Variants in PROM1 observed in about 807,000 individuals in gnomAD.
PROM1 encodes the protein prominin 1.
PROM1 carries 105 observed loss-of-function variants against 116.9 expected under a neutral mutation model. The ratio of observed to expected loss-of-function variants is 0.90; its 90% CI spans 0.77 to 1.06. The LOEUF is 1.06. Among genes scored for constraint, PROM1 ranks in the 50% least tolerant of loss-of-function variants. The pLI is 0.00. For synonymous variants in PROM1, 393 were observed against 387.0 expected (o/e 1.02, Z -0.18); for missense variants, 1,122 against 1,045.2 (o/e 1.07, Z -1.01).
intron 7 of PROM1, among the ~76,000 whole-genome samples, chr4:16,023,796 T>C (rs962681555): frequency 6.6e-6 from 1 of 152,198 alleles, no homozygotes; most frequent in Non-Finnish European, 1.5e-5. Context: ...TTGGTAGCAC[T>C]GTCCCCACCC....
intron 2 of PROM1, among the ~76,000 whole-genome samples, chr4:16,067,784 G>T (rs1741870259): frequency 6.6e-6 from 1 of 151,912 alleles, no homozygotes; most frequent in African/African-American, 2.4e-5. Context: ...CCCTTTCCTG[G>T]GTACCGCTTC....
At chr4:16,002,223 CAG>C (rs1196422652) in intron 13 of PROM1, among the ~76,000 whole-genome samples, 3 of 151,970 alleles carry the variant, frequency 2.0e-5, no homozygotes, top group African/African-American at 4.8e-5. Flanking sequence ...AGAAAAAAAA[CAG>C]AAAGAGAAGG....
At chr4:16,028,531 T>C (rs1166994917) in intron 5 of PROM1, among the ~76,000 whole-genome samples, 1 of 152,244 alleles carries the variant, frequency 6.6e-6, no homozygotes, top group Non-Finnish European at 1.5e-5. Context: ...ATGGTCTCCA[T>C]GTGCAATCTC....
At chr4:16,014,725 A>G (rs1223955024) in intron 10 of PROM1, among the ~76,000 whole-genome samples, 2 of 152,238 alleles carry the variant, frequency 1.3e-5, no homozygotes, top group African/African-American at 4.8e-5. Flanking sequence ...ATCCTAAAAG[A>G]CAGAGTTAAG....
At chr4:16,035,855 G>C in intron 3 of PROM1, 94 bp from the exon 4 acceptor site, 2 of 1,149,480 alleles carry the variant, frequency 1.7e-6, no homozygotes. Flanking sequence ...CCATAACCAA[G>C]AACATTCATA....
At chr4:16,079,006 G>A (rs1397798046) in intron 1 of PROM1, among the ~76,000 whole-genome samples, 2 of 152,092 alleles carry the variant, frequency 1.3e-5, no homozygotes, top group African/African-American at 4.8e-5. Context: ...ATCCACAATA[G>A]ACACCTTGAC....
At chr4:15,981,159 C>A (rs1352869473) in intron 23 of PROM1, among the ~76,000 whole-genome samples, 1 of 150,558 alleles carries the variant, frequency 6.6e-6, no homozygotes, top group African/African-American at 2.4e-5. Context: ...GACGGGGTTT[C>A]ACCGGGTTAG....
chr4:15,973,160 T>C (rs1267839085), intron 26 of PROM1, among the ~76,000 whole-genome samples: 1 of 152,220 alleles, frequency 6.6e-6, no homozygotes, highest in Non-Finnish European at 1.5e-5. Context: ...GGACCCCTCC[T>C]ACTTCTATCT....
intron 5 of PROM1, among the ~76,000 whole-genome samples, chr4:16,028,883 C>A (rs1470063951): frequency 6.6e-6 from 1 of 152,188 alleles, no homozygotes; most frequent in Non-Finnish European, 1.5e-5. Flanking sequence ...GGCCTTACAT[C>A]TTCCATATTT....
chr4:16,062,366 C>G (rs1404123219), intron 2 of PROM1, among the ~76,000 whole-genome samples: 2 of 152,130 alleles, frequency 1.3e-5, no homozygotes, highest in Non-Finnish European at 1.5e-5. Context: ...CAATTCAACC[C>G]ATAACATTGG....
At chr4:16,041,795 T>A (rs892525309) in intron 2 of PROM1, among the ~76,000 whole-genome samples, 8 of 145,656 alleles carry the variant, frequency 5.5e-5, no homozygotes, top group African/African-American at 2.0e-4. Flanking sequence ...AATATATATA[T>A]ATATATATAT....
At chr4:16,014,531 G>A (rs1425064610) in intron 10 of PROM1, among the ~76,000 whole-genome samples, 1 of 152,188 alleles carries the variant, frequency 6.6e-6, no homozygotes, top group Admixed American at 6.5e-5. Flanking sequence ...TAAGTGTCTG[G>A]TAAACACATG....
At chr4:16,023,652 G>A (rs1260533419) in intron 7 of PROM1, among the ~76,000 whole-genome samples, 1 of 152,140 alleles carries the variant, frequency 6.6e-6, no homozygotes, top group Non-Finnish European at 1.5e-5. Context: ...TTATCATCTT[G>A]ACCTGTGTGT....
chr4:15,975,202 C>A (rs1478848802), intron 26 of PROM1, among the ~76,000 whole-genome samples: 1 of 152,154 alleles, frequency 6.6e-6, no homozygotes, highest in Non-Finnish European at 1.5e-5. Flanking sequence ...CCTCACAACC[C>A]TACGCAAACA....
intron 4 of PROM1, among the ~76,000 whole-genome samples, chr4:16,035,319 C>T (rs1733707052): frequency 6.6e-6 from 1 of 152,152 alleles, no homozygotes; most frequent in South Asian, 2.1e-4. Context: ...TTCCAGGAGA[C>T]ACTGAACCAA....
At chr4:16,005,154 G>A (rs1372058391) in intron 13 of PROM1, among the ~76,000 whole-genome samples, 2 of 151,852 alleles carry the variant, frequency 1.3e-5, no homozygotes, top group Non-Finnish European at 1.5e-5. Flanking sequence ...GTAGACATGG[G>A]GTTTCACCAT....
intron 1 of PROM1, among the ~76,000 whole-genome samples, chr4:16,079,130 C>T (rs1358197142): frequency 6.6e-6 from 1 of 152,082 alleles, no homozygotes; most frequent in Non-Finnish European, 1.5e-5. Flanking sequence ...GCTAAGCCTC[C>T]AGCACAGCAG....
At chr4:16,051,224 G>C (rs1737816282) in intron 2 of PROM1, among the ~76,000 whole-genome samples, 2 of 152,242 alleles carry the variant, frequency 1.3e-5, no homozygotes, top group Admixed American at 1.3e-4. Context: ...TGAAGGAAAT[G>C]CAAGTAACTG....
intron 19 of PROM1, among the ~76,000 whole-genome samples, chr4:15,988,450 A>G (rs565806204): frequency 4.7e-4 from 72 of 152,372 alleles, no homozygotes; most frequent in Non-Finnish European, 2.4e-4. Flanking sequence ...CAACTACTCA[A>G]CTTTGTCCTT....
Sources: allele counts gnomAD v4.1 joint callset (sites outside exome capture counted in the v4.1 genomes callset), GRCh38; gene constraint gnomAD v4.1.1; transcripts MANE v1.5; gene names NCBI Gene and HGNC (gene_info 2026-07-23, HGNC 2026-07-21).